XPO1: variants seen among roughly 807,000 people sequenced by gnomAD.
The protein encoded by XPO1 is exportin-1.
Under a neutral mutation model 133.3 loss-of-function variants are expected in XPO1, and 5 were observed. The observed-to-expected ratio is 0.04, with a 90% CI of 0.02 to 0.08. XPO1 has a LOEUF of 0.08. Ranked by LOEUF, XPO1 falls within the 10% of genes least tolerant of loss-of-function variation. XPO1 has a pLI of 1.00. For synonymous variants in XPO1, 419 were observed against 408.2 expected (o/e 1.03, Z -0.32); for missense variants, 506 against 1,267.5 (o/e 0.40, Z 9.12).
At chr2:61,491,197 TCA>T (rs758636451) in intron 16 of XPO1, among the ~76,000 whole-genome samples, 7 of 151,790 alleles carry the variant, frequency 4.6e-5, no homozygotes, top group Non-Finnish European at 8.8e-5. Flanking sequence ...TGGTGGTGGC[TCA>T]CGCCTGTAAT....
In XPO1 at chr2:61,525,141, G is replaced by A. The variant is rs549887726; in HGVS notation, c.228+1279C>T. The A allele has an allele frequency of 1.1e-5, 4 of 364,986 alleles. No homozygotes were observed. In the East Asian group the frequency reaches 6.6e-4, roughly 61 times the overall value. The allele number at this position is 364,986 out of a possible 1,614,324, so 22.6% of individuals were successfully genotyped here. A position where few individuals can be genotyped will look rare whatever the true frequency, so the allele number is the denominator to read the frequency against. On this transcript the variant is annotated intron_variant, in intron 3 of 24. Coordinates refer to ENST00000401558, the MANE Select transcript of XPO1 (RefSeq NM_003400.4). ...ATAAATGCATGAAATGATCCCTATG[G>A]TAGAAATTTCTACTGAGCCCTTAGA...
chr2:61,536,238 T>A (rs540678846), intron 1 of XPO1: 1 of 152,344 alleles, frequency 6.6e-6, no homozygotes, highest in South Asian at 2.1e-4. Context: ...AAATGGCGGC[T>A]TTGTGGTCAA....
chr2:61,482,034 C>CTTTTTTT (rs1195049382), intron 23 of XPO1, among the ~76,000 whole-genome samples: 37 of 71,376 alleles, frequency 5.2e-4, no homozygotes, highest in African/African-American at 1.6e-3. Context: ...CGTGCGTGGC[C>CTTTTTTT]TTTTTTTTTT....
chr2:61,480,313 CTT>C (rs1234223249), intron 24 of XPO1: 24 of 123,358 alleles, frequency 1.9e-4, no homozygotes, highest in African/African-American at 2.7e-4. Flanking sequence ...AAGTTTCACT[CTT>C]GTCACCCAGG....
chr2:61,496,400 T>A (rs987918193), intron 10 of XPO1, among the ~76,000 whole-genome samples: 10 of 152,130 alleles, frequency 6.6e-5, no homozygotes, highest in African/African-American at 1.9e-4. Context: ...TTCGTAGGTA[T>A]GGTCTGGTTA....
At chr2:61,536,871 G>A (rs1699376588) in intron 1 of XPO1, 3 of 152,772 alleles carry the variant, frequency 2.0e-5, no homozygotes, top group Admixed American at 1.3e-4. Flanking sequence ...CAAACTCACA[G>A]ACATCGGAAT....
intron 23 of XPO1, among the ~76,000 whole-genome samples, chr2:61,482,043 T>C (rs1696395622): frequency 4.0e-5 from 1 of 24,924 alleles, no homozygotes; most frequent in African/African-American, 2.5e-4. Context: ...CCTTTTTTTT[T>C]TTTTTTTTTT....
intron 2 of XPO1, among the ~76,000 whole-genome samples, chr2:61,532,397 G>C (rs1699194308): frequency 6.6e-6 from 1 of 151,946 alleles, no homozygotes; most frequent in Non-Finnish European, 1.5e-5. Flanking sequence ...AAAGTGCTGG[G>C]ATTACAGGCG....
At chr2:61,525,384 G>A (rs1698870711) in intron 3 of XPO1, 10 of 990,924 alleles carry the variant, frequency 1.0e-5, no homozygotes, top group Non-Finnish European at 1.2e-5. Flanking sequence ...ATCAGGTAGT[G>A]TTAACATCTT....
intron 2 of XPO1, among the ~76,000 whole-genome samples, chr2:61,528,413 T>A (rs904443862): frequency 1.3e-5 from 2 of 151,908 alleles, no homozygotes; most frequent in Non-Finnish European, 2.9e-5. Context: ...GGTGAGCAGA[T>A]CACAAGGTCA....
chr2:61,496,867 GTATTA>G lies in XPO1; in HGVS notation c.888+7_888+11del. 1 of 1,569,730 alleles carries G rather than the reference GTATTA, an allele frequency of 6.4e-7. No homozygotes were observed. Among genetic ancestry groups the G allele is most frequent in the Non-Finnish European group, 8.6e-7 (1 of 1,162,498 alleles). On this transcript the variant is annotated splice_region_variant and intron_variant, in intron 10 of 24. Transcript: ENST00000401558. ...AATTATTCAGCCAATTTTCAAGATA[GTATTA>G]TATTACCTGCTTTAGTTGCATCATT...
At chr2:61,494,619 G>T (rs531778857) in intron 11 of XPO1, 1 of 152,454 alleles carries the variant, frequency 6.6e-6, no homozygotes, top group East Asian at 1.9e-4. Context: ...CCAAAATAAT[G>T]GTTGCCAGAA....
chr2:61,505,078 A>G (rs1697731327), intron 4 of XPO1, among the ~76,000 whole-genome samples: 1 of 152,192 alleles, frequency 6.6e-6, no homozygotes, highest in South Asian at 2.1e-4. Flanking sequence ...TGGTGCCATC[A>G]CAGCTCACTG....
rs1696935882 is a variant in XPO1, at chr2:61,490,661, A to G, written c.2003T>C (p.Ile668Thr). ...ACTTACTTTGGTTGCCTGCTGGATT[A>G]TACTATCCCACACTTGATTAGGGAG... ...MLLPNQVWDSIIQQATKNVDI... is the reference protein window; with the variant it reads ...MLLPNQVWDSTIQQATKNVDI... The change falls in exon 17 of 25, where the codon ATA becomes ACA. Residue 668 changes from isoleucine to threonine, a missense_variant. Ile to Thr is a moderately conservative substitution (Grantham distance 89, BLOSUM62 -1). Around this residue, in one of 6 missense-constraint regions of XPO1, gnomAD observed 60 missense variants for 211.0 expected, o/e 0.28. Coordinates refer to ENST00000401558, the MANE Select transcript of XPO1 (RefSeq NM_003400.4). 1 of 1,614,018 alleles carries G rather than the reference A, an allele frequency of 6.2e-7. No individual in the cohort carries two copies. The highest frequency in any genetic ancestry group is 1.7e-5 in the Admixed American group (1 of 59,958).
chr2:61,536,603 G>C (rs1029846299), intron 1 of XPO1: 2 of 152,256 alleles, frequency 1.3e-5, no homozygotes, highest in Admixed American at 1.3e-4. Context: ...GCAATCGCCC[G>C]CTTCATTCAG....
intron 4 of XPO1, among the ~76,000 whole-genome samples, chr2:61,502,960 CTTTTCT>C (rs1558650941): frequency 1.1e-5 from 1 of 94,874 alleles, no homozygotes; most frequent in African/African-American, 5.0e-5. Flanking sequence ...CCATGTGTTT[CTTTTCT>C]TTTTTTTTTT....
intron 2 of XPO1, among the ~76,000 whole-genome samples, chr2:61,529,318 AC>A (rs1699051267): frequency 6.6e-6 from 1 of 152,242 alleles, no homozygotes; most frequent in African/African-American, 2.4e-5. Flanking sequence ...TGACAAAGAT[AC>A]CTTATAATCT....
Position 61,527,154 on chromosome 2 carries a change from A to C in XPO1, c.127-633T>G, listed in dbSNP as rs192029774. On this transcript the variant is annotated intron_variant, in intron 2 of 24. Transcript: ENST00000401558. ...GAAGCAAATAAGTTCTCAGCACTTAAATCAACCAAAAACAATATAAAAATT... is the reference window on the plus strand; with the variant it reads ...GAAGCAAATAAGTTCTCAGCACTTACATCAACCAAAAACAATATAAAAATT... Among the ~76,000 whole-genome samples the C allele has an allele frequency of 1.2e-4, 19 of 152,236 alleles. No homozygotes were observed. The East Asian group carries it at 3.3e-3, about 26-fold the overall frequency.
At chr2:61,508,016 A>G (rs1697912409) in intron 4 of XPO1, among the ~76,000 whole-genome samples, 1 of 152,108 alleles carries the variant, frequency 6.6e-6, no homozygotes, top group African/African-American at 2.4e-5. Context: ...GGTACAATCT[A>G]GTGGCCCAAG....
Sources: gnomAD v4.1 joint callset for allele counts (sites outside exome capture counted in the v4.1 genomes callset) on GRCh38, gnomAD v4.1.1 for gene constraint, gnomAD v4.1.1 regional missense constraint, MANE v1.5 for transcripts, NCBI Gene and HGNC (gene_info 2026-07-23, HGNC 2026-07-21) for gene names.